The following NXPE2 variants were observed in gnomAD, a reference collection of about 807,000 sequenced individuals.
NXPE2 encodes neurexophilin and PC-esterase domain family member 2.
A neutral mutation model predicts 34.4 loss-of-function variants in NXPE2; 34 were observed. The ratio of observed to expected loss-of-function variants is 0.99; its 90% confidence interval spans 0.75 to 1.31. The LOEUF (loss-of-function observed/expected upper bound fraction) is 1.31, where lower values mean the gene tolerates loss of function less well. NXPE2 is among the 40% of genes most tolerant of loss of function. The probability of loss-of-function intolerance (pLI) is 0.00; values close to 1 mark genes in which losing one functional copy is unlikely to be tolerated. For missense variants in NXPE2, 649 were observed against 672.5 expected, an observed-to-expected ratio of 0.97 and a Z score of 0.39; for synonymous variants, 235 against 231.3, an observed-to-expected ratio of 1.02 and a Z score of -0.15.
chr11:114,631,650 G>A, the NXPE2 span, among the ~76,000 whole-genome samples: 8 of 151,862 alleles, frequency 5.3e-5, no homozygotes, highest in Non-Finnish European at 1.0e-4. Context: ...TTGTGCACAG[G>A]TACCCTAAAA....
chr11:114,687,859 A>G (rs1442800684), intron 2 of NXPE2, among the ~76,000 whole-genome samples: 2 of 151,916 alleles, frequency 1.3e-5, no homozygotes, highest in Non-Finnish European at 3.0e-5. Context: ...AGCTGTTTAC[A>G]TAGGATTGGA....
At chr11:114,658,184 T>C in the NXPE2 span, among the ~76,000 whole-genome samples, 1 of 152,202 alleles carries the variant, frequency 6.6e-6, no homozygotes. Flanking sequence ...AGGCCAACCA[T>C]CTAGCTTAAA....
At chr11:114,613,245 C>T in the NXPE2 span, among the ~76,000 whole-genome samples, 47 of 151,690 alleles carry the variant, frequency 3.1e-4, no homozygotes, top group African/African-American at 6.3e-4. Flanking sequence ...CACTGTTACC[C>T]GGTGGATAAT....
the NXPE2 span, among the ~76,000 whole-genome samples, chr11:114,628,611 C>T: frequency 6.8e-6 from 1 of 147,520 alleles, no homozygotes; most frequent in Non-Finnish European, 1.5e-5. Flanking sequence ...ATTAAAAGAA[C>T]TAGAAAAGCA....
chr11:114,678,702 T>C, intron 1 of NXPE2, 101 bp downstream of exon 1: 6 of 815,148 alleles, frequency 7.4e-6, no homozygotes, highest in South Asian at 1.6e-5. Context: ...TGCAACCCTT[T>C]AGAGGATAGT....
the NXPE2 span, among the ~76,000 whole-genome samples, chr11:114,576,958 G>C: frequency 6.9e-6 from 1 of 145,402 alleles, no homozygotes; most frequent in Non-Finnish European, 1.5e-5. Context: ...TAATCAATGA[G>C]TGGATAAAGA....
At chr11:114,471,749 T>C in the NXPE2 span, among the ~76,000 whole-genome samples, 14 of 152,306 alleles carry the variant, frequency 9.2e-5, no homozygotes, top group East Asian at 2.7e-3. Context: ...CAGTAATTAA[T>C]GCTAGCCTTG....
At chr11:114,502,233 C>T in the NXPE2 span, among the ~76,000 whole-genome samples, 1 of 151,500 alleles carries the variant, frequency 6.6e-6, no homozygotes, top group Non-Finnish European at 1.5e-5. Context: ...TTTATGCTGC[C>T]TGGGACTCAT....
downstream of NXPE2, among the ~76,000 whole-genome samples, chr11:114,708,860 G>A (rs1313412095): frequency 6.6e-6 from 1 of 152,160 alleles, no homozygotes; most frequent in East Asian, 1.9e-4. Flanking sequence ...GTTTTCCCAT[G>A]AAGACCATCT....
the NXPE2 span, chr11:114,571,390 A>C: frequency 4.3e-6 from 7 of 1,613,916 alleles, no homozygotes; most frequent in Non-Finnish European, 5.9e-6. Flanking sequence ...TATTTTTGCC[A>C]CTGGATGTTG....
the NXPE2 span, among the ~76,000 whole-genome samples, chr11:114,577,396 G>A: frequency 2.0e-5 from 3 of 151,888 alleles, no homozygotes; most frequent in Non-Finnish European, 4.4e-5. Context: ...TGAGGACTCG[G>A]AGGAAAGGGT....
chr11:114,621,324 C>T, the NXPE2 span, among the ~76,000 whole-genome samples: 3 of 152,066 alleles, frequency 2.0e-5, no homozygotes, highest in African/African-American at 7.2e-5. Flanking sequence ...TCCACTGTTA[C>T]CCGCTGGATA....
chr11:114,507,345 A>C, the NXPE2 span, among the ~76,000 whole-genome samples: 1 of 151,916 alleles, frequency 6.6e-6, no homozygotes, highest in Non-Finnish European at 1.5e-5. Context: ...TACTGAAACT[A>C]CTCCAACAAA....
At chr11:114,495,788 G>T in the NXPE2 span, among the ~76,000 whole-genome samples, 2 of 152,124 alleles carry the variant, frequency 1.3e-5, no homozygotes, top group African/African-American at 4.8e-5. Context: ...ATTCCCCAGG[G>T]TGTGTTTAGA....
In NXPE2 at chr11:114,698,141, C is replaced by A. The variant is rs761804569; in HGVS notation, c.229C>A (p.Pro77Thr). The A allele has an allele frequency of 6.2e-7, 1 of 1,614,108 alleles. No individual in the cohort carries two copies. The highest frequency in any genetic ancestry group is 8.5e-7 in the Non-Finnish European group (1 of 1,179,978). ...SETPLCPAVS[P>T]KETELRIKDI... ...AACACCACTGTGTCCAGCAGTTTCA[C>A]CAAAAGAGACTGAACTTAGAATAAA... Residue 77 changes from proline (P) to threonine (T), a missense_variant, in exon 3 of 6, where the codon CCA becomes ACA. Physicochemically the swap from Pro to Thr is conservative, Grantham distance 38. Transcript: ENST00000389586.
At chr11:114,625,812 G>C in the NXPE2 span, among the ~76,000 whole-genome samples, 2 of 152,102 alleles carry the variant, frequency 1.3e-5, no homozygotes, top group African/African-American at 4.8e-5. Flanking sequence ...AGGTCAGTGG[G>C]TGAGCACACC....
chr11:114,686,148 G>A (rs1464500614), intron 2 of NXPE2, among the ~76,000 whole-genome samples: 3 of 151,924 alleles, frequency 2.0e-5, no homozygotes, highest in Non-Finnish European at 4.4e-5. Flanking sequence ...GATTTAGGGA[G>A]TACATGTGCA....
At chr11:114,725,669 CT>C in the NXPE2 span, among the ~76,000 whole-genome samples, 1 of 151,974 alleles carries the variant, frequency 6.6e-6, no homozygotes, top group South Asian at 2.1e-4. Flanking sequence ...TATCTATAGC[CT>C]TCTTGTCAGT....
At chr11:114,485,184 T>G in the NXPE2 span, among the ~76,000 whole-genome samples, 4 of 152,088 alleles carry the variant, frequency 2.6e-5, no homozygotes, top group African/African-American at 9.7e-5. Flanking sequence ...TCCCTTGTGT[T>G]ATAAACAATT....
Sources: allele counts gnomAD v4.1 joint callset (sites outside exome capture counted in the v4.1 genomes callset), GRCh38; gene constraint gnomAD v4.1.1; transcripts MANE v1.5; gene names NCBI Gene and HGNC (gene_info 2026-07-23, HGNC 2026-07-21).